NCKAP5: variants seen among roughly 807,000 people sequenced by gnomAD.
NCKAP5 encodes the protein NCK associated protein 5.
In NCKAP5, 92 loss-of-function variants were observed where a neutral mutation model predicts 167.0. The observed-to-expected ratio is 0.55, with a 90% CI of 0.47 to 0.66. The LOEUF (loss-of-function observed/expected upper bound fraction) is 0.66, where lower values mean the gene tolerates loss of function less well. Ranked by LOEUF, NCKAP5 falls within the 30% of genes least tolerant of loss-of-function variation. NCKAP5 has a pLI of 0.00. For synonymous variants in NCKAP5, 891 were observed against 877.4 expected, an observed-to-expected ratio of 1.02 and a Z score of -0.27; for missense variants, 2,378 against 2,315.0, an observed-to-expected ratio of 1.03 and a Z score of -0.56.
At chr2:133,186,558 T>C (rs2084955133) in intron 5 of NCKAP5, among the ~76,000 whole-genome samples, 1 of 152,086 alleles carries the variant, frequency 6.6e-6, no homozygotes, top group Admixed American at 6.6e-5. Flanking sequence ...CTGGTAGAAT[T>C]CGGCTATGAC....
intron 5 of NCKAP5, among the ~76,000 whole-genome samples, chr2:133,177,364 C>T (rs2084514842): frequency 6.6e-6 from 1 of 152,050 alleles, no homozygotes; most frequent in Admixed American, 6.5e-5. Context: ...ATTCCCTATA[C>T]TGAAGGCCCT....
intron 3 of NCKAP5, among the ~76,000 whole-genome samples, chr2:133,510,768 A>T (rs1289430109): frequency 6.6e-6 from 1 of 152,202 alleles, no homozygotes. Context: ...AGCTGTGCAG[A>T]TGCATTGTAG....
chr2:132,890,750 T>C (rs1191769116), intron 8 of NCKAP5, among the ~76,000 whole-genome samples: 5 of 152,240 alleles, frequency 3.3e-5, no homozygotes, highest in Non-Finnish European at 7.3e-5. Flanking sequence ...AGTGGCCATA[T>C]GTGTAGCGTA....
chr2:133,576,627 T>C, the NCKAP5 span, among the ~76,000 whole-genome samples: 1 of 152,172 alleles, frequency 6.6e-6, no homozygotes, highest in Non-Finnish European at 1.5e-5. Flanking sequence ...CATTGAAATA[T>C]TTCCACCTCT....
At chr2:132,907,121 C>T (rs2148935198) in intron 8 of NCKAP5, among the ~76,000 whole-genome samples, 1 of 152,294 alleles carries the variant, frequency 6.6e-6, no homozygotes, top group South Asian at 2.1e-4. Context: ...ATTTATATTA[C>T]TAAACATTAC....
intron 10 of NCKAP5, among the ~76,000 whole-genome samples, chr2:132,862,969 G>A (rs894844644): frequency 6.6e-6 from 1 of 151,950 alleles, no homozygotes; most frequent in Non-Finnish European, 1.5e-5. Context: ...CTACAGGCAT[G>A]TGCCACCACG....
chr2:133,609,747 A>G, the NCKAP5 span, among the ~76,000 whole-genome samples: 4 of 152,186 alleles, frequency 2.6e-5, no homozygotes, highest in African/African-American at 9.7e-5. Context: ...AAAGCTTGCC[A>G]AGATAAAGAA....
chr2:133,186,039 G>A (rs934589859), intron 5 of NCKAP5, among the ~76,000 whole-genome samples: 2 of 151,856 alleles, frequency 1.3e-5, no homozygotes, highest in Non-Finnish European at 2.9e-5. Context: ...GTCTTGTTCC[G>A]TTCCTCAAGG....
intron 2 of NCKAP5, among the ~76,000 whole-genome samples, chr2:133,539,102 G>A (rs575071724): frequency 4.9e-4 from 74 of 151,778 alleles, no homozygotes; most frequent in African/African-American, 1.6e-3. Context: ...CACCACGCCC[G>A]GCTAATTTTT....
In NCKAP5 at chr2:133,258,759, AAAG is replaced by A. The variant is rs1222299538; in HGVS notation, c.143+44275_143+44277del. 2.0e-4 allele frequency among the ~76,000 whole-genome samples: 30 copies of A among 152,080 alleles called. No individual in the cohort carries two copies. In the South Asian group the frequency reaches 2.1e-3, roughly 11 times the overall value. On this transcript the variant is annotated intron_variant, in intron 4 of 19. Coordinates refer to ENST00000409261, the MANE Select transcript of NCKAP5 (RefSeq NM_207363.3). ...AGATCCTGTCTCAATTAAAAAAAAA[AAAG>A]AAGAAGAAGAGAAGAAGAAAACCAA...
At chr2:132,878,543 G>A (rs1173431705) in intron 9 of NCKAP5, among the ~76,000 whole-genome samples, 1 of 151,372 alleles carries the variant, frequency 6.6e-6, no homozygotes, top group Admixed American at 6.6e-5. Flanking sequence ...TGTGGCCCAA[G>A]AATATGAAAC....
At chr2:133,208,163 A>G (rs2086044785) in intron 5 of NCKAP5, among the ~76,000 whole-genome samples, 1 of 152,066 alleles carries the variant, frequency 6.6e-6, no homozygotes, top group Non-Finnish European at 1.5e-5. Context: ...ACATGGCGAG[A>G]CCCTGTCTCT....
chr2:133,109,773 A>G, intron 6 of NCKAP5, among the ~76,000 whole-genome samples: 1 of 152,134 alleles, frequency 6.6e-6, no homozygotes, highest in East Asian at 1.9e-4. Flanking sequence ...AAAAAAAAAA[A>G]ACTTACGTAA....
At chr2:133,374,523 G>T (rs1215652646) in intron 3 of NCKAP5, among the ~76,000 whole-genome samples, 1 of 152,102 alleles carries the variant, frequency 6.6e-6, no homozygotes, top group East Asian at 1.9e-4. Flanking sequence ...TGAAACAAAT[G>T]CACCACTCTA....
At chr2:133,546,682 A>AAAAAC (rs1170030495) in intron 2 of NCKAP5, among the ~76,000 whole-genome samples, 1 of 152,126 alleles carries the variant, frequency 6.6e-6, no homozygotes, top group South Asian at 2.1e-4. Context: ...AACAAAACAA[A>AAAAAC]AAAACAAAAC....
the NCKAP5 span, among the ~76,000 whole-genome samples, chr2:133,597,673 CAAAAAAAAA>C: frequency 1.6e-5 from 1 of 61,106 alleles, no homozygotes; most frequent in East Asian, 4.9e-4. Context: ...GACTCTGTCT[CAAAAAAAAA>C]AAAAAAAAAA....
the NCKAP5 span, among the ~76,000 whole-genome samples, chr2:133,584,083 T>C: frequency 2.0e-5 from 3 of 152,258 alleles, no homozygotes; most frequent in African/African-American, 7.2e-5. Flanking sequence ...AGAATTATTT[T>C]CATATATTTT....
At chr2:132,967,523 A>C (rs146540343) in intron 7 of NCKAP5, among the ~76,000 whole-genome samples, 3 of 152,318 alleles carry the variant, frequency 2.0e-5, no homozygotes, top group Non-Finnish European at 2.9e-5. Context: ...TTTATAAGGA[A>C]ATCAGTTTGA....
intron 3 of NCKAP5, among the ~76,000 whole-genome samples, chr2:133,312,243 C>T (rs1394374673): frequency 1.3e-5 from 2 of 152,180 alleles, no homozygotes; most frequent in East Asian, 1.9e-4. Context: ...TGAAAAGCCT[C>T]GTGACCTGTT....
Sources: gnomAD v4.1 joint callset for allele counts (sites outside exome capture counted in the v4.1 genomes callset) on GRCh38, gnomAD v4.1.1 for gene constraint, MANE v1.5 for transcripts, NCBI Gene and HGNC (gene_info 2026-07-23, HGNC 2026-07-21) for gene names.